The following PROS1 variants were observed in gnomAD, a reference collection of about 807,000 sequenced individuals.
PROS1 encodes the protein protein S.
PROS1 carries 29 observed loss-of-function variants against 75.9 expected under a neutral mutation model. The observed-to-expected ratio is 0.38, with a 90% CI of 0.28 to 0.52. The LOEUF is 0.52. Ranked by LOEUF, PROS1 falls within the 20% of genes least tolerant of loss-of-function variation. PROS1 has a pLI of 0.83. For missense variants in PROS1, 680 were observed against 810.3 expected (o/e 0.84, Z 1.95); for synonymous variants, 245 against 280.6 (o/e 0.87, Z 1.27).
intron 1 of PROS1, among the ~76,000 whole-genome samples, chr3:93,928,367 A>G (rs1041771527): frequency 1.3e-5 from 2 of 151,550 alleles, no homozygotes; most frequent in Non-Finnish European, 1.5e-5. Context: ...TGAAATGCCT[A>G]TGTCAAAAGC....
intron 3 of PROS1, among the ~76,000 whole-genome samples, chr3:93,917,741 TG>T (rs1708879532): frequency 6.6e-6 from 1 of 152,082 alleles, no homozygotes; most frequent in Non-Finnish European, 1.5e-5. Context: ...CCAGCAGCTG[TG>T]GAGGGTGTAC....
At chr3:93,933,427 T>A (rs1709135162) in intron 1 of PROS1, among the ~76,000 whole-genome samples, 1 of 151,832 alleles carries the variant, frequency 6.6e-6, no homozygotes. Flanking sequence ...ATTTAAAAAG[T>A]AGCTGGGCAT....
intron 1 of PROS1, among the ~76,000 whole-genome samples, chr3:93,966,694 T>C (rs1287242754): frequency 6.6e-6 from 1 of 151,670 alleles, no homozygotes; most frequent in Non-Finnish European, 1.5e-5. Context: ...CTGGCCAACA[T>C]GGTGGAACCC....
At chr3:93,917,631 G>A (rs1160404074) in intron 3 of PROS1, among the ~76,000 whole-genome samples, 1 of 152,142 alleles carries the variant, frequency 6.6e-6, no homozygotes, top group African/African-American at 2.4e-5. Flanking sequence ...GCGCGAGGGG[G>A]AACAGCTGGA....
intron 1 of PROS1, among the ~76,000 whole-genome samples, chr3:93,966,534 AT>A (rs1205174711): frequency 6.6e-6 from 1 of 152,184 alleles, no homozygotes; most frequent in Non-Finnish European, 1.5e-5. Context: ...AAGGAAGATA[AT>A]TTGGTTAAAG....
intron 1 of PROS1, among the ~76,000 whole-genome samples, chr3:93,932,000 C>T (rs539611741): frequency 2.0e-5 from 3 of 152,184 alleles, no homozygotes; most frequent in Non-Finnish European, 2.9e-5. Flanking sequence ...TGCTTCTTGC[C>T]AGAAAGATAC....
At chr3:93,929,316 A>G (rs965718461) in intron 1 of PROS1, among the ~76,000 whole-genome samples, 3 of 152,076 alleles carry the variant, frequency 2.0e-5, no homozygotes, top group African/African-American at 2.4e-5. Context: ...CACATCTCCA[A>G]AAAATTTTAA....
chr3:93,892,937 T>C lies in PROS1; in HGVS notation c.1151A>G (p.Asn384Ser). 3 of 1,610,540 alleles carry C rather than the reference T, an allele frequency of 1.9e-6. No individual in the cohort carries two copies. Among genetic ancestry groups the C allele is most frequent in the Non-Finnish European group, 2.5e-6 (3 of 1,178,422 alleles). The part of the protein sequence containing the change: ...GGDVINNGLW[N>S]MVSVEELEHS... ...TGATGAAATCTGCAAACGTACCATA[T>C]TCCATAGACCATTATTAATAACATC... is the stretch of plus-strand genomic sequence containing the variant. The change falls in exon 10 of 15, where the codon AAT (asparagine) becomes AGT (serine). Residue 384 changes from asparagine (N) to serine (S), a missense_variant. Transcript: ENST00000394236.
In PROS1 at chr3:93,901,054, G is replaced by A. The variant is rs1265314363; in HGVS notation, c.602-125C>T. ...GTAATGAGATAACAGATTGGCCTTT[G>A]GACCAAAAAACATTAAATCTATCAT... On this transcript the variant is annotated intron_variant, in intron 6 of 14. Transcript: ENST00000394236. 7 of 1,030,282 alleles carry A rather than the reference G, an allele frequency of 6.8e-6. No individual in the cohort carries two copies. The Admixed American group carries it at 1.7e-4, about 26-fold the overall frequency. The allele number at this position is 1,030,282 out of a possible 1,614,324, so 63.8% of individuals were successfully genotyped here.
intron 4 of PROS1, among the ~76,000 whole-genome samples, chr3:93,908,996 A>T (rs1235043195): frequency 1.3e-5 from 2 of 152,214 alleles, no homozygotes; most frequent in Non-Finnish European, 2.9e-5. Context: ...AACTCACTTG[A>T]AATATAAACA....
chr3:93,949,877 G>C (rs558747870), intron 1 of PROS1, among the ~76,000 whole-genome samples: 2 of 152,184 alleles, frequency 1.3e-5, no homozygotes, highest in Admixed American at 6.5e-5. Context: ...GCCAAAGCAG[G>C]GGGGGCATTG....
intron 1 of PROS1, among the ~76,000 whole-genome samples, chr3:93,939,669 C>CA (rs1476719115): frequency 1.3e-5 from 2 of 152,118 alleles, no homozygotes; most frequent in Non-Finnish European, 2.9e-5. Context: ...TCTCCCAAAG[C>CA]AGTTAGTGTT....
intron 1 of PROS1, among the ~76,000 whole-genome samples, chr3:93,936,508 C>T (rs1289148518): frequency 1.3e-5 from 2 of 152,108 alleles, no homozygotes; most frequent in Non-Finnish European, 2.9e-5. Flanking sequence ...TTCTCTATAG[C>T]TCTGTTGTGC....
intron 1 of PROS1, among the ~76,000 whole-genome samples, chr3:93,948,400 G>A (rs1709439401): frequency 6.6e-6 from 1 of 152,310 alleles, no homozygotes; most frequent in Middle Eastern, 3.4e-3. Flanking sequence ...TTGGGGTGGA[G>A]AGTTCTGTAG....
At chr3:93,891,606 CG>C (rs1708431550) in intron 10 of PROS1, among the ~76,000 whole-genome samples, 1 of 151,992 alleles carries the variant, frequency 6.6e-6, no homozygotes, top group African/African-American at 2.4e-5. Flanking sequence ...GATGGGGTTT[CG>C]CCATGTTGGT....
chr3:93,940,641 C>T (rs1709269668), intron 1 of PROS1, among the ~76,000 whole-genome samples: 1 of 152,062 alleles, frequency 6.6e-6, no homozygotes, highest in Non-Finnish European at 1.5e-5. Flanking sequence ...AAGCCTCCTT[C>T]ACATCTTCCT....
At chr3:93,884,945 T>G in intron 11 of PROS1, 49 bp from the exon 12 acceptor site, 2 of 1,502,462 alleles carry the variant, frequency 1.3e-6, no homozygotes, top group Non-Finnish European at 1.8e-6. Flanking sequence ...ACTTAAACAG[T>G]GGCTCGATTA....
chr3:93,918,789 ATCC>A (rs1025933753), intron 3 of PROS1, among the ~76,000 whole-genome samples: 2 of 152,076 alleles, frequency 1.3e-5, no homozygotes, highest in Non-Finnish European at 2.9e-5. Flanking sequence ...CAAGTGAATC[ATCC>A]TCCTCAGCCT....
At chr3:93,922,631 C>G (rs1708959202) in intron 3 of PROS1, among the ~76,000 whole-genome samples, 1 of 152,082 alleles carries the variant, frequency 6.6e-6, no homozygotes, top group Non-Finnish European at 1.5e-5. Flanking sequence ...CAGGGACCTT[C>G]CTGTATGAGC....
Sources: allele counts gnomAD v4.1 joint callset (sites outside exome capture counted in the v4.1 genomes callset), GRCh38; gene constraint gnomAD v4.1.1; transcripts MANE v1.5; gene names NCBI Gene and HGNC (gene_info 2026-07-23, HGNC 2026-07-21).